Variants in ABCA12 observed in about 807,000 individuals in gnomAD.
ABCA12 encodes ATP binding cassette subfamily A member 12.
In ABCA12, 156 loss-of-function variants were observed where a neutral mutation model predicts 293.5. The ratio of observed to expected loss-of-function variants is 0.53; its 90% CI spans 0.47 to 0.61. The LOEUF is 0.61. Among genes scored for constraint, ABCA12 ranks in the 20% least tolerant of loss-of-function variants. ABCA12 has a pLI of 0.00. For missense variants in ABCA12, 2,797 were observed against 3,090.2 expected (o/e 0.91, Z 2.25); for synonymous variants, 1,063 against 1,108.0 (o/e 0.96, Z 0.81).
At chr2:214,936,459 T>C (rs1279838275) in intron 51 of ABCA12, among the ~76,000 whole-genome samples, 1 of 152,214 alleles carries the variant, frequency 6.6e-6, no homozygotes, top group Non-Finnish European at 1.5e-5. Flanking sequence ...GCCCTAGTCT[T>C]TCCAATTTCT....
chr2:215,019,747 A>C lies in ABCA12; in HGVS notation c.1337T>G (p.Phe446Cys). Residue 446 changes from phenylalanine to cysteine, a missense_variant, in exon 12 of 53, where the codon TTC becomes TGC. Physicochemically the swap from Phe to Cys is radical, Grantham distance 205 (BLOSUM62 -2). Coordinates refer to ENST00000272895, the MANE Select transcript of ABCA12 (RefSeq NM_173076.3). The part of the protein sequence containing the change: ...LTELLCESET[F>C]SLIEKSCQLS... ...CTGGCATGACTTCTCTATCAAACTG[A>C]AAGTTTCAGATTCACAAAGAAGTTC... The C allele has an allele frequency of 6.2e-7, 1 of 1,614,002 alleles. No individual in the cohort carries two copies. The highest frequency in any genetic ancestry group is 1.1e-5 in the South Asian group (1 of 91,082).
intron 11 of ABCA12, 85 bp from the exon 12 acceptor site, chr2:215,019,881 A>T: frequency 6.6e-7 from 1 of 1,516,752 alleles, no homozygotes; most frequent in Non-Finnish European, 9.0e-7. Context: ...ACCACAATTG[A>T]TTTCCTTTAA....
At chr2:214,949,172 G>A (rs577234907) in intron 45 of ABCA12, 23 bp from the exon 46 acceptor site, 4 of 1,555,606 alleles carry the variant, frequency 2.6e-6, no homozygotes, top group Non-Finnish European at 3.5e-6. Context: ...AGAAAAAGAA[G>A]ATATAAGCCT....
At chr2:214,988,109 A>G (rs1559132546) in intron 26 of ABCA12, among the ~76,000 whole-genome samples, 2 of 152,130 alleles carry the variant, frequency 1.3e-5, no homozygotes, top group Non-Finnish European at 2.9e-5. Context: ...ACTAGTTCAG[A>G]TCCAGATTCT....
Position 215,019,606 on chromosome 2 carries a change from A to C in ABCA12, c.1478T>G (p.Val493Gly). 6.2e-7 allele frequency: 1 copy of C among 1,614,216 alleles called. No homozygotes were observed. Among genetic ancestry groups the C allele is most frequent in the Non-Finnish European group, 8.5e-7 (1 of 1,180,034 alleles). The change falls in exon 12 of 53, where the codon GTC (valine) becomes GGC (glycine). Residue 493 changes from valine (V) to glycine (G), a missense_variant. By Grantham distance (109) the Val-to-Gly change is moderately radical (BLOSUM62 -3). Around this residue, in one of 3 missense-constraint regions of ABCA12, gnomAD observed 656 missense variants for 638.2 expected, o/e 1.03. Coordinates refer to ENST00000272895, the MANE Select transcript of ABCA12 (RefSeq NM_173076.3). ...IAASLLYHDNVISKKVRDLLT... is the reference protein window; with the variant it reads ...IAASLLYHDNGISKKVRDLLT... ...CAAATCTCTCACTTTTTTAGATATG[A>C]CATTGTCATGGTACAGTAAGCTGGC...
chr2:215,094,711 T>C (rs1431482092), intron 2 of ABCA12, among the ~76,000 whole-genome samples: 1 of 152,204 alleles, frequency 6.6e-6, no homozygotes, highest in Admixed American at 6.5e-5. Flanking sequence ...GCCCCATGAA[T>C]AGCAGTGAAA....
chr2:214,990,217 A>C (rs1328701940), intron 24 of ABCA12, among the ~76,000 whole-genome samples: 3 of 152,204 alleles, frequency 2.0e-5, no homozygotes, highest in Non-Finnish European at 4.4e-5. Context: ...TTAATGCTTT[A>C]ATTAAAATTC....
At position 214,958,408 on chromosome 2, in the gene ABCA12, C is replaced by A. The variant is rs1325490172; in HGVS notation, c.5986G>T (p.Gly1996Cys). The change falls in exon 41 of 53, where the codon GGC (glycine) becomes TGC (cysteine). Residue 1996 changes from glycine to cysteine, a missense_variant. This residue lies in a region of ABCA12 where 2,130 missense variants were observed against 2,427.0 expected (regional missense o/e 0.88). Transcript: ENST00000272895. ...DILVALSILM[G>C]YSVTTASFVT... ...AAGCTGGCGGTGGTGACAGAGTAGC[C>A]CATCAAGATAGACAGTGCCACTAAA... 4.3e-6 allele frequency: 7 copies of A among 1,613,746 alleles called. No homozygotes were observed. The highest frequency in any genetic ancestry group is 5.9e-6 in the Non-Finnish European group (7 of 1,179,868).
At chr2:214,944,868 T>G in intron 49 of ABCA12, 133 bp downstream of exon 49, 1 of 639,010 alleles carries the variant, frequency 1.6e-6, no homozygotes, top group South Asian at 1.8e-5. Flanking sequence ...ATATTTTGTA[T>G]GTGTGTATAT....
intron 36 of ABCA12, among the ~76,000 whole-genome samples, chr2:214,972,187 A>G (rs1699400019): frequency 6.6e-6 from 1 of 151,918 alleles, no homozygotes; most frequent in African/African-American, 2.4e-5. Flanking sequence ...TACTCTGTGG[A>G]TTTCCTTTTT....
At chr2:215,115,377 C>T (rs1349943769) in intron 1 of ABCA12, among the ~76,000 whole-genome samples, 1 of 152,162 alleles carries the variant, frequency 6.6e-6, no homozygotes, top group Non-Finnish European at 1.5e-5. Flanking sequence ...TAAATATGTT[C>T]ATAAGCAACC....
rs1701279587 is a variant in ABCA12, at chr2:215,049,714, A to G, written c.605T>C (p.Leu202Pro). 2 of 1,613,534 alleles carry G rather than the reference A, an allele frequency of 1.2e-6. No individual in the cohort carries two copies. The highest frequency in any genetic ancestry group is 8.5e-7 in the Non-Finnish European group (1 of 1,179,738). ...IVDDAFSWTFLGRNVFNKFCL... is the reference protein window; with the variant it reads ...IVDDAFSWTFPGRNVFNKFCL... Reference sequence around the variant, plus strand: ...AAATTTGTTAAAAACATTTCTTCCTAGAAAGGTCCAAGAGAAGGCATCATC... The same window carrying G: ...AAATTTGTTAAAAACATTTCTTCCTGGAAAGGTCCAAGAGAAGGCATCATC... The change falls in exon 6 of 53, where the codon CTA becomes CCA. Residue 202 changes from leucine (L) to proline (P), a missense_variant. By Grantham distance (98) the Leu-to-Pro change is moderately conservative. Transcript: ENST00000272895.
At chr2:215,129,965 A>G (rs1248271928) in intron 1 of ABCA12, among the ~76,000 whole-genome samples, 1 of 152,164 alleles carries the variant, frequency 6.6e-6, no homozygotes, top group Admixed American at 6.6e-5. Context: ...GTTACCCAGC[A>G]CCATTTATTG....
At chr2:214,986,508 T>G in intron 28 of ABCA12, 34 bp downstream of exon 28, 1 of 1,598,452 alleles carries the variant, frequency 6.3e-7, no homozygotes, top group Non-Finnish European at 8.6e-7. Flanking sequence ...TGTAACATGC[T>G]TCCATGGCAA....
At chr2:215,032,873 C>A (rs903425046) in intron 8 of ABCA12, among the ~76,000 whole-genome samples, 7 of 152,120 alleles carry the variant, frequency 4.6e-5, no homozygotes, top group Non-Finnish European at 1.0e-4. Flanking sequence ...GTTAGTGCAA[C>A]CTAAAGCCTT....
intron 21 of ABCA12, 132 bp downstream of exon 21, chr2:215,001,426 C>T (rs1700143388): frequency 9.0e-7 from 1 of 1,109,468 alleles, no homozygotes; most frequent in Non-Finnish European, 1.3e-6. Flanking sequence ...GAAAGGTTCT[C>T]TTTTCTAAGG....
chr2:214,986,359 T>A (rs1001024218), intron 28 of ABCA12, among the ~76,000 whole-genome samples, 183 bp downstream of exon 28: 4 of 152,238 alleles, frequency 2.6e-5, no homozygotes, highest in African/African-American at 7.2e-5. Context: ...GAATTAAAAA[T>A]TTTTTAAAGT....
At position 214,989,564 on chromosome 2, in the gene ABCA12, C is replaced by G. The variant is rs1699868547; in HGVS notation, c.3682G>C (p.Glu1228Gln). Residue 1228 changes from glutamate (E) to glutamine (Q), a missense_variant, in exon 25 of 53, where the codon GAA (glutamate) becomes CAA (glutamine). Coordinates refer to ENST00000272895, the MANE Select transcript of ABCA12 (RefSeq NM_173076.3). ...YASQYIARYE[E>Q]QGIGLQWENM... Reference sequence around the variant, plus strand: ...AAAGGGGACCTACCAATGCCCTGTTCTTCGTATCGTGCAATGTATTGGCTT... The same window carrying G: ...AAAGGGGACCTACCAATGCCCTGTTGTTCGTATCGTGCAATGTATTGGCTT... 1 of 1,614,060 alleles carries G rather than the reference C, an allele frequency of 6.2e-7. No homozygotes were observed.
intron 44 of ABCA12, among the ~76,000 whole-genome samples, chr2:214,952,331 G>A (rs183269206): frequency 7.9e-5 from 12 of 150,964 alleles, no homozygotes; most frequent in East Asian, 2.0e-4. Flanking sequence ...AGCAATTCTC[G>A]TGCCTCAGCC....
Sources: gnomAD v4.1 joint callset for allele counts (sites outside exome capture counted in the v4.1 genomes callset) on GRCh38, gnomAD v4.1.1 for gene constraint, gnomAD v4.1.1 regional missense constraint, MANE v1.5 for transcripts, NCBI Gene and HGNC (gene_info 2026-07-23, HGNC 2026-07-21) for gene names.